Variants in PRAG1 observed in about 807,000 individuals in gnomAD.
PRAG1 encodes the protein PEAK1 related, kinase-activating pseudokinase 1.
Under a neutral mutation model 95.6 loss-of-function variants are expected in PRAG1, and 110 were observed. That is an observed-to-expected ratio of 1.15 (90% confidence interval 0.99 to 1.35). PRAG1 has a LOEUF of 1.35. Among genes scored for constraint, PRAG1 ranks in the 40% most tolerant of loss-of-function variants. The pLI is 0.00. For synonymous variants in PRAG1, 1,052 were observed against 819.4 expected (o/e 1.28, Z -4.85); for missense variants, 2,554 against 1,864.7 (o/e 1.37, Z -6.81).
Position 8,374,217 on chromosome 8 carries a change from T to C in PRAG1, c.2162+2030A>G, listed in dbSNP as rs2945849. On this transcript the variant is annotated intron_variant, in intron 3 of 5. Coordinates refer to ENST00000615670, the MANE Select transcript of PRAG1 (RefSeq NM_001080826.3). ...GAGAAGAGACTCCAGACTCTCAGTT[T>C]AGAGACCAACTCTTTTAGAGAAGGG... 7.6e-3 allele frequency among the ~76,000 whole-genome samples: 1,160 copies of C among 152,336 alleles called. 13 individuals are homozygous for C. The highest frequency in any genetic ancestry group is 0.027 in the African/African-American group (1,102 of 41,576).
chr8:8,328,194 C>G lies in PRAG1; in HGVS notation c.2588G>C (p.Ser863Thr). 6 of 1,614,210 alleles carry G rather than the reference C, an allele frequency of 3.7e-6. No homozygotes were observed. The highest frequency in any genetic ancestry group is 5.1e-6 in the Non-Finnish European group (6 of 1,180,046). The change falls in exon 5 of 6, where the codon AGC becomes ACC. Residue 863 changes from serine to threonine, a missense_variant. Coordinates refer to ENST00000615670, the MANE Select transcript of PRAG1 (RefSeq NM_001080826.3). Reference protein sequence around the residue: ...ETNVHDESHFSYSLSPGNRHH... With the variant: ...ETNVHDESHFTYSLSPGNRHH... ...GCGGTTCCCGGGGCTCAACGAATAG[C>G]TAAAGTGAGATTCGTCGTGGACGTT...
chr8:8,347,712 G>T (rs192572005), intron 3 of PRAG1, among the ~76,000 whole-genome samples: 1 of 152,156 alleles, frequency 6.6e-6, no homozygotes, highest in Non-Finnish European at 1.5e-5. Context: ...AGGTGTTGGG[G>T]ATACAATGGT....
intron 3 of PRAG1, among the ~76,000 whole-genome samples, chr8:8,356,410 A>G (rs1799684367): frequency 6.6e-6 from 1 of 152,164 alleles, no homozygotes; most frequent in Non-Finnish European, 1.5e-5. Flanking sequence ...CAGTGGTGCA[A>G]TCATGGCTCA....
intron 4 of PRAG1, among the ~76,000 whole-genome samples, chr8:8,334,052 C>T (rs28588440): frequency 0.06 from 9,197 of 152,296 alleles, 608 homozygotes; most frequent in African/African-American, 0.16. Flanking sequence ...TTTGGCTTCA[C>T]ACGGACTTGT....
At chr8:8,383,887 G>C (rs1800763866) in intron 1 of PRAG1, among the ~76,000 whole-genome samples, 1 of 152,128 alleles carries the variant, frequency 6.6e-6, no homozygotes, top group Non-Finnish European at 1.5e-5. Flanking sequence ...TTTTGGGAGG[G>C]GGAAAAAGCA....
Position 8,318,238 on chromosome 8 carries a change from C to T in PRAG1, c.4137G>A (p.Leu1379=). Residue 1379 remains leucine (L), a synonymous_variant, in exon 6 of 6, where the codon CTG becomes CTA. Transcript: ENST00000615670. The surrounding 1 kb of genome is among the most constrained non-coding windows in gnomAD (Gnocchi z 4.2). ...GGTACTGGCAGCAAAGCCAGTCCTC[C>T]AGCTCCACGCCCCGCCTGCGATCCA... ...KAVDRRRGVE[L]EDWLCCQYLA... The T allele has an allele frequency of 6.2e-7, 1 of 1,614,204 alleles. No individual in the cohort carries two copies. Among genetic ancestry groups the T allele is most frequent in the Non-Finnish European group, 8.5e-7 (1 of 1,180,022 alleles).
intron 5 of PRAG1, among the ~76,000 whole-genome samples, chr8:8,322,109 G>C (rs948562260): frequency 7.9e-5 from 12 of 152,172 alleles, no homozygotes; most frequent in African/African-American, 2.2e-4. Context: ...GCCTTGTGGT[G>C]GTTAGGAACA....
chr8:8,377,736 G>C lies in PRAG1; in HGVS notation c.673C>G (p.Pro225Ala), dbSNP rs1213730449. The C allele has an allele frequency of 6.2e-7, 1 of 1,614,086 alleles. No homozygotes were observed. Among genetic ancestry groups the C allele is most frequent in the East Asian group, 2.2e-5 (1 of 44,880 alleles). The change falls in exon 3 of 6, where the codon CCT becomes GCT. Residue 225 changes from proline to alanine, a missense_variant. Pro to Ala is a conservative substitution (Grantham distance 27). Coordinates refer to ENST00000615670, the MANE Select transcript of PRAG1 (RefSeq NM_001080826.3). ...AGTTSGCHQG[P>A]GPLRESLPSE... is the part of the protein sequence containing the mutation. ...GGCAGGGATTCCCGCAGGGGCCCAG[G>C]GCCCTGGTGACAGCCAGATGTGGTC...
At chr8:8,336,908 T>TCCCCCCCCCCCCCCCCCCC (rs1214780667) in intron 4 of PRAG1, among the ~76,000 whole-genome samples, 2 of 49,030 alleles carry the variant, frequency 4.1e-5, no homozygotes, top group Admixed American at 2.7e-4. Flanking sequence ...CACACCCCTT[T>TCCCCCCCCCCCCCCCCCCC]CCCCCCTCCC....
Position 8,381,545 on chromosome 8 carries a change from C to A in PRAG1, c.203G>T (p.Arg68Leu), listed in dbSNP as rs373963411. 1.2e-5 allele frequency: 19 copies of A among 1,614,074 alleles called. No individual in the cohort carries two copies. In the African/African-American group the frequency reaches 2.5e-4, roughly 22 times the overall value. Residue 68 changes from arginine (R) to leucine (L), a missense_variant, in exon 2 of 6, where the codon CGC becomes CTC. Coordinates refer to ENST00000615670, the MANE Select transcript of PRAG1 (RefSeq NM_001080826.3). ...GCTGTTCACACCTTCATCTTCCAGG[C>A]GGCAGTTCTCAGGCCTGGGAGGCAG... The part of the protein sequence containing the change: ...PRLPPRPENC[R>L]LEDEGVNSSP...
At position 8,318,190 on chromosome 8, in the gene PRAG1, G is replaced by A. The variant is rs1412438815; in HGVS notation, c.4185C>T (p.Ala1395=). ...CQYLASAEPG[A]LLQSLKLLQL... is the part of the protein sequence containing the mutation. Reference sequence around the variant, plus strand: ...GCAGGAGCTTCAGCGACTGTAAGAGGGCCCCGGGCTCCGCAGACGCCAGGT... The same window carrying A: ...GCAGGAGCTTCAGCGACTGTAAGAGAGCCCCGGGCTCCGCAGACGCCAGGT... The change falls in exon 6 of 6, where the codon GCC becomes GCT. Residue 1395 remains alanine, a synonymous_variant. Coordinates refer to ENST00000615670, the MANE Select transcript of PRAG1 (RefSeq NM_001080826.3). The surrounding 1 kb of genome is among the most constrained non-coding windows in gnomAD (Gnocchi z 4.2). 6.2e-7 allele frequency: 1 copy of A among 1,613,918 alleles called. No homozygotes were observed. The highest frequency in any genetic ancestry group is 1.7e-4 in the Middle Eastern group (1 of 6,042).
rs1390606957 is a variant in PRAG1, at chr8:8,318,044, G to A, written c.*110C>T. 7 of 921,664 alleles carry A rather than the reference G, an allele frequency of 7.6e-6. No homozygotes were observed. The highest frequency in any genetic ancestry group is 1.1e-5 in the Non-Finnish European group (7 of 635,988). 57.1% of individuals were successfully genotyped at this position (921,664 alleles called of 1,614,324 possible). On this transcript the variant is annotated 3_prime_UTR_variant, in exon 6 of 6. Coordinates refer to ENST00000615670, the MANE Select transcript of PRAG1 (RefSeq NM_001080826.3). This position sits in a 1 kb window ranked among gnomAD's most constrained non-coding sequence, Gnocchi z 4.2. ...TATATATTTATATATTTTACATCCAGGTATCCCAGTCATCTGTACCATTTC... is the reference window on the plus strand; with the variant it reads ...TATATATTTATATATTTTACATCCAAGTATCCCAGTCATCTGTACCATTTC...
At position 8,381,760 on chromosome 8, in the gene PRAG1, G is replaced by C. The variant is rs770017928; in HGVS notation, c.-13C>G. On this transcript the variant is annotated 5_prime_UTR_variant, in exon 2 of 6. Transcript: ENST00000615670. ...GGGTCTGGTGCATCTTGAGCCGACA[G>C]GGTGCTGGTTCATCTTGCGCCCGGC... is the stretch of plus-strand genomic sequence containing the variant. 6.4e-7 allele frequency: 1 copy of C among 1,562,782 alleles called. No individual in the cohort carries two copies. Among genetic ancestry groups the C allele is most frequent in the Non-Finnish European group, 8.7e-7 (1 of 1,150,056 alleles).
At chr8:8,381,954 T>G in intron 1 of PRAG1, 120 bp from the exon 2 acceptor site, 1 of 503,340 alleles carries the variant, frequency 2.0e-6, no homozygotes, top group Non-Finnish European at 3.5e-6. Flanking sequence ...AAGATTAGGA[T>G]CCCATTTATT....
At chr8:8,336,139 T>C (rs745874347) in intron 4 of PRAG1, among the ~76,000 whole-genome samples, 7 of 152,226 alleles carry the variant, frequency 4.6e-5, no homozygotes, top group Non-Finnish European at 8.8e-5. Context: ...TATCTATTGC[T>C]GGTGCCAATG....
rs756794450 is a variant in PRAG1, at chr8:8,381,661, G to A, written c.87C>T (p.Ser29=). ...DFVEHIWKPG[S]CKNCFCLRSD... is the part of the protein sequence containing the mutation. ...TCCGCAGGCAGAAGCAGTTCTTGCA[G>A]GACCCGGGTTTCCAGATGTGCTCCA... Residue 29 remains serine, a synonymous_variant, in exon 2 of 6, where the codon TCC becomes TCT. Coordinates refer to ENST00000615670, the MANE Select transcript of PRAG1 (RefSeq NM_001080826.3). 3.1e-6 allele frequency: 5 copies of A among 1,613,850 alleles called. No homozygotes were observed. The East Asian group carries it at 8.9e-5, about 29-fold the overall frequency.
chr8:8,339,656 C>G (rs536343925), intron 3 of PRAG1, 21 bp from the exon 4 acceptor site: 4 of 1,599,262 alleles, frequency 2.5e-6, no homozygotes, highest in East Asian at 4.5e-5. Context: ...TAGGAACAAA[C>G]AATACAAATA....
At chr8:8,355,985 G>A (rs534691943) in intron 3 of PRAG1, among the ~76,000 whole-genome samples, 47 of 152,236 alleles carry the variant, frequency 3.1e-4, no homozygotes. Context: ...AAATGAAAAG[G>A]CAACTTAGGA....
chr8:8,366,785 C>T (rs981288103), intron 3 of PRAG1, among the ~76,000 whole-genome samples: 2 of 151,952 alleles, frequency 1.3e-5, no homozygotes, highest in African/African-American at 4.8e-5. Flanking sequence ...TCAAGCAATC[C>T]TCCCACATCA....
Sources: gnomAD v4.1 joint callset for allele counts (sites outside exome capture counted in the v4.1 genomes callset) on GRCh38, gnomAD v4.1.1 for gene constraint, Gnocchi (gnomAD v3.1) non-coding constraint, MANE v1.5 for transcripts, NCBI Gene and HGNC (gene_info 2026-07-23, HGNC 2026-07-21) for gene names.